Variants in MTCH1 observed in about 807,000 individuals in gnomAD.
MTCH1 encodes mitochondrial carrier 1.
Under a neutral mutation model 49.3 loss-of-function variants are expected in MTCH1, and 23 were observed. The ratio of observed to expected loss-of-function variants is 0.47; its 90% CI spans 0.34 to 0.66. The LOEUF is 0.66. Ranked by LOEUF, MTCH1 falls within the 30% of genes least tolerant of loss-of-function variation. The pLI is 0.01. For synonymous variants in MTCH1, 229 were observed against 215.2 expected (o/e 1.06, Z -0.56); for missense variants, 397 against 532.1 (o/e 0.75, Z 2.50).
Position 36,978,735 on chromosome 6 carries a change from G to A in MTCH1, c.407-124C>T, listed in dbSNP as rs142251504. The A allele has an allele frequency of 2.6e-3, 1,927 of 752,282 alleles. 40 individuals are homozygous for A. In the Admixed American group the frequency reaches 0.031, roughly 12 times the overall value. 46.6% of individuals were successfully genotyped at this position (752,282 alleles called of 1,614,324 possible). ...TAACTGCTGACTACAGGCACAGAAG[G>A]TAACATCTGTCCAGGACCTGGAAGC... On this transcript the variant is annotated intron_variant, in intron 2 of 11. Transcript: ENST00000373627.
chr6:36,970,597 C>T lies in MTCH1; in HGVS notation c.954+50G>A, dbSNP rs573352102. On this transcript the variant is annotated intron_variant, in intron 9 of 11. Transcript: ENST00000373627. ...TTACCAGGGTTGGCCTCCTAGGCCCCGCTTGGGTCCGCAAGGCAGTGGGAA... is the reference window on the plus strand; with the variant it reads ...TTACCAGGGTTGGCCTCCTAGGCCCTGCTTGGGTCCGCAAGGCAGTGGGAA... 39 of 1,612,684 alleles carry T rather than the reference C, an allele frequency of 2.4e-5. No individual in the cohort carries two copies. The African/African-American group carries it at 3.3e-4, about 14-fold the overall frequency.
chr6:36,969,480 C>A lies in MTCH1; in HGVS notation c.1099-506G>T, dbSNP rs149519540. The A allele has an allele frequency of 3.6e-4, 389 of 1,084,740 alleles. 1 individual carries two copies. The African/African-American group carries it at 5.8e-3, about 16-fold the overall frequency. 67.2% of individuals were successfully genotyped at this position (1,084,740 alleles called of 1,614,324 possible). ...CCTCGGCCAAAGCCTGGACCCCTGA[C>A]TGCTGGGCCCAAGAGCTCCAGCTAC... On this transcript the variant is annotated intron_variant, in intron 11 of 11. Transcript: ENST00000373627.
At position 36,972,309 on chromosome 6, in the gene MTCH1, G is replaced by A. The variant is rs1012980768; in HGVS notation, c.906+343C>T. On this transcript the variant is annotated intron_variant, in intron 8 of 11. Coordinates refer to ENST00000373627, the MANE Select transcript of MTCH1 (RefSeq NM_001271641.2). This position sits in a 1 kb window ranked among gnomAD's most constrained non-coding sequence, Gnocchi z 4.1. ...AAAAGGGTTTTAAAAAGCAAAAGAC[G>A]TGACACAAAGGTCAAGAGGTGATCA... Among the ~76,000 whole-genome samples, 2 of 152,136 alleles carry A rather than the reference G, an allele frequency of 1.3e-5. No individual in the cohort carries two copies. Among genetic ancestry groups the A allele is most frequent in the African/African-American group, 4.8e-5 (2 of 41,416 alleles).
Position 36,977,296 on chromosome 6 carries a change from A to G in MTCH1, c.650-46T>C, listed in dbSNP as rs1186642819. The G allele has an allele frequency of 1.2e-6, 2 of 1,603,158 alleles. No individual in the cohort carries two copies. Among genetic ancestry groups the G allele is most frequent in the Non-Finnish European group, 1.7e-6 (2 of 1,171,902 alleles). ...ACACACAGGTGATGTGGTGGGCCAC[A>G]CTTCATAATGCTCCAGCCACCGGGT... On this transcript the variant is annotated intron_variant, in intron 5 of 11. Coordinates refer to ENST00000373627, the MANE Select transcript of MTCH1 (RefSeq NM_001271641.2). This position sits in a 1 kb window ranked among gnomAD's most constrained non-coding sequence, Gnocchi z 5.4.
Position 36,968,767 on chromosome 6 carries a change from A to G in MTCH1, c.*136T>C. On this transcript the variant is annotated 3_prime_UTR_variant, in exon 12 of 12. Coordinates refer to ENST00000373627, the MANE Select transcript of MTCH1 (RefSeq NM_001271641.2). ...CCCACATCTGGACAGACACATGGCA[A>G]ATATGGAACTGAAGCCCGGCTGGGC... 7.3e-7 allele frequency: 1 copy of G among 1,361,426 alleles called. No homozygotes were observed. The highest frequency in any genetic ancestry group is 1.0e-6 in the Non-Finnish European group (1 of 974,142). 84.3% of individuals were successfully genotyped at this position (1,361,426 alleles called of 1,614,324 possible).
In MTCH1 at chr6:36,977,283, T is replaced by C. The variant is rs1431661903; in HGVS notation, c.650-33A>G. On this transcript the variant is annotated intron_variant, in intron 5 of 11. Transcript: ENST00000373627. The surrounding 1 kb of genome is among the most constrained non-coding windows in gnomAD (Gnocchi z 5.4). ...AAAAAAAGAAAACACACACAGGTGA[T>C]GTGGTGGGCCACACTTCATAATGCT... is the stretch of plus-strand genomic sequence containing the variant. 9.3e-6 allele frequency: 15 copies of C among 1,611,704 alleles called. No individual in the cohort carries two copies. The highest frequency in any genetic ancestry group is 1.3e-5 in the Non-Finnish European group (15 of 1,178,900).
chr6:36,978,646 C>T (rs745782916), intron 2 of MTCH1, 35 bp from the exon 3 acceptor site: 1 of 1,596,764 alleles, frequency 6.3e-7, no homozygotes, highest in Admixed American at 1.7e-5. Context: ...GGAGTCACAC[C>T]CAGTTCAGGG....
Position 36,985,874 on chromosome 6 carries a change from G to A in MTCH1, c.300C>T (p.Leu100=). 1 of 1,559,746 alleles carries A rather than the reference G, an allele frequency of 6.4e-7. No homozygotes were observed. Among genetic ancestry groups the A allele is most frequent in the Non-Finnish European group, 8.7e-7 (1 of 1,151,796 alleles). The change falls in exon 1 of 12, where the codon CTC becomes CTT. Residue 100 remains leucine, a synonymous_variant. Transcript: ENST00000373627. ...AGVTALSHPL[L]YVKLLIQVGH... is the part of the protein sequence containing the mutation. ...CCACCTGGATGAGCAGCTTCACGTA[G>A]AGCAGGGGATGGCTGAGCGCCGTCA...
chr6:36,986,498 A>G (rs371300598), upstream of MTCH1, among the ~76,000 whole-genome samples: 99 of 152,178 alleles, frequency 6.5e-4, no homozygotes, highest in African/African-American at 2.1e-3. Context: ...GACGTCCCCA[A>G]TATGGTCTGA....
At position 36,986,015 on chromosome 6, in the gene MTCH1, G is replaced by A. The variant is rs1764297852; in HGVS notation, c.159C>T (p.His53=). The change falls in exon 1 of 12, where the codon CAC becomes CAT. Residue 53 remains histidine (H), a synonymous_variant. Transcript: ENST00000373627. ...CCGAGGGCTGAGCCGCAGGCCGAGG[G>A]TGGCGAGGATGTGCGCGGTGCGCGG... The part of the protein sequence containing the change: ...PPPAHRAHPR[H]PRPAAQPSAR... 5.9e-6 allele frequency: 9 copies of A among 1,527,064 alleles called. No homozygotes were observed. The highest frequency in any genetic ancestry group is 2.1e-4 in the Middle Eastern group (1 of 4,782). 94.6% of individuals were successfully genotyped at this position (1,527,064 alleles called of 1,614,324 possible).
chr6:36,970,356 A>G, intron 10 of MTCH1, 50 bp downstream of exon 10: 1 of 1,607,250 alleles, frequency 6.2e-7, no homozygotes. Context: ...GGTCTCCCCC[A>G]CCCCACAGCC....
chr6:36,986,259 C>T, upstream of MTCH1: 1 of 1,233,244 alleles, frequency 8.1e-7, no homozygotes, highest in Non-Finnish European at 1.0e-6. Flanking sequence ...GGGCGCACCA[C>T]TCCAGGCCGC....
rs373286947 is a variant in MTCH1 at position 36,978,524 on chromosome 6, G to A, written c.494C>T (p.Thr165Ile). ...GCTCACCTTCTTCATGCTACCCCGAGTCACAGTAGAGAGGGCGTTGGACAT... is the reference window on the plus strand; with the variant it reads ...GCTCACCTTCTTCATGCTACCCCGAATCACAGTAGAGAGGGCGTTGGACAT... ...RLMSNALSTV[T>I]RGSMKKVFPP... Residue 165 changes from threonine (T) to isoleucine (I), a missense_variant, in exon 3 of 12, where the codon ACT becomes ATT. This residue lies in a region of MTCH1 where 252 missense variants were observed against 388.3 expected (regional missense o/e 0.65). Coordinates refer to ENST00000373627, the MANE Select transcript of MTCH1 (RefSeq NM_001271641.2). 2 of 1,614,166 alleles carry A rather than the reference G, an allele frequency of 1.2e-6. No individual in the cohort carries two copies. The highest frequency in any genetic ancestry group is 1.7e-6 in the Non-Finnish European group (2 of 1,179,996).
intron 7 of MTCH1, among the ~76,000 whole-genome samples, chr6:36,974,257 G>A (rs1254539999): frequency 6.6e-6 from 1 of 152,110 alleles, no homozygotes; most frequent in East Asian, 1.9e-4. Flanking sequence ...CTGGAGTGCA[G>A]TGGTGCAATC....
chr6:36,971,779 G>A (rs1763695544), intron 8 of MTCH1, among the ~76,000 whole-genome samples: 1 of 152,066 alleles, frequency 6.6e-6, no homozygotes, highest in South Asian at 2.1e-4. Context: ...CTAGCCTCCT[G>A]GGAGGGAAAG....
Position 36,981,622 on chromosome 6 carries a change from C to T in MTCH1, c.372G>A (p.Arg124=). ...PPTLGTNVLG[R]KVLYLPSFFT... is the part of the protein sequence containing the mutation. ...AGAAGCTCGGCAGATAGAGGACCTT[C>T]CTCCCCAGCACATTGGTCCCAAGGG... Residue 124 remains arginine (R), a synonymous_variant, in exon 2 of 12, where the codon AGG becomes AGA. Transcript: ENST00000373627. 6.2e-7 allele frequency: 1 copy of T among 1,614,058 alleles called. No individual in the cohort carries two copies. Among genetic ancestry groups the T allele is most frequent in the South Asian group, 1.1e-5 (1 of 91,068 alleles).
intron 7 of MTCH1, among the ~76,000 whole-genome samples, chr6:36,973,163 C>T (rs996250738): frequency 2.0e-5 from 3 of 152,208 alleles, no homozygotes; most frequent in African/African-American, 7.2e-5. Flanking sequence ...ACCTAACCAA[C>T]TCTCAGAAGA....
chr6:36,970,970 C>T lies in MTCH1; in HGVS notation c.907-276G>A, dbSNP rs559120814. The T allele has an allele frequency of 7.8e-6, 4 of 514,274 alleles. No individual in the cohort carries two copies. In the South Asian group the frequency reaches 8.1e-5, roughly 10 times the overall value. The allele number at this position is 514,274 out of a possible 1,614,324, so 31.9% of individuals were successfully genotyped here. ...GACTGTGAGCCTCAAGGGCTGAGCCCGTGTCTGCCTGATCAACATCCAGGG... is the reference window on the plus strand; with the variant it reads ...GACTGTGAGCCTCAAGGGCTGAGCCTGTGTCTGCCTGATCAACATCCAGGG... On this transcript the variant is annotated intron_variant, in intron 8 of 11. Transcript: ENST00000373627.
intron 2 of MTCH1, 73 bp from the exon 3 acceptor site, chr6:36,978,684 A>G: frequency 7.4e-7 from 1 of 1,351,592 alleles, no homozygotes; most frequent in Non-Finnish European, 1.0e-6. Flanking sequence ...ACACACACCC[A>G]GACCAGGCTC....
Sources: gnomAD v4.1 joint callset for allele counts (sites outside exome capture counted in the v4.1 genomes callset) on GRCh38, gnomAD v4.1.1 for gene constraint, gnomAD v4.1.1 regional missense constraint, Gnocchi (gnomAD v3.1) non-coding constraint, MANE v1.5 for transcripts, NCBI Gene and HGNC (gene_info 2026-07-23, HGNC 2026-07-21) for gene names.